PPFIBP1: variants seen among roughly 807,000 people sequenced by gnomAD.
PPFIBP1 encodes liprin-beta-1.
PPFIBP1 carries 112 observed loss-of-function variants against 137.8 expected under a neutral mutation model. The observed-to-expected ratio is 0.81, with a 90% CI of 0.70 to 0.95. PPFIBP1 has a LOEUF of 0.95. Among genes scored for constraint, PPFIBP1 ranks in the 40% least tolerant of loss-of-function variants. PPFIBP1 has a pLI of 0.00. For synonymous variants in PPFIBP1, 378 were observed against 417.3 expected (o/e 0.91, Z 1.15); for missense variants, 1,083 against 1,196.6 (o/e 0.91, Z 1.40).
At chr12:27,681,753 T>G (rs990244981) in intron 22 of PPFIBP1, 57 bp downstream of exon 22, 28 of 1,587,618 alleles carry the variant, frequency 1.8e-5, no homozygotes, top group Non-Finnish European at 2.3e-5. Flanking sequence ...ACAGTATGAA[T>G]GTAGGGTTGT....
At chr12:27,577,143 C>A (rs1176238958) in intron 1 of PPFIBP1, among the ~76,000 whole-genome samples, 1 of 151,930 alleles carries the variant, frequency 6.6e-6, no homozygotes, top group Non-Finnish European at 1.5e-5. Context: ...TCCACACCCC[C>A]ATTCATTCCT....
chr12:27,680,097 A>G (rs887090864), intron 21 of PPFIBP1, 36 bp downstream of exon 21: 2 of 1,610,178 alleles, frequency 1.2e-6, no homozygotes, highest in African/African-American at 1.3e-5. Flanking sequence ...TTGCATCTCT[A>G]CCAAGCATCA....
chr12:27,588,474 G>A, intron 2 of PPFIBP1, among the ~76,000 whole-genome samples: 1 of 152,162 alleles, frequency 6.6e-6, no homozygotes, highest in East Asian at 1.9e-4. Context: ...TGGCCCAAAA[G>A]ACGCATGACA....
At chr12:27,592,342 A>G (rs1439415415) in intron 2 of PPFIBP1, 1 of 560,550 alleles carries the variant, frequency 1.8e-6, no homozygotes. Context: ...AGAGGAAGAC[A>G]TGGGTAACAA....
At position 27,580,864 on chromosome 12, in the gene PPFIBP1, G is replaced by A. The variant is rs574723772; in HGVS notation, c.-36+2625G>A. ...GGAGCTGAGATTTGTGGGAAACTAG[G>A]GTCATTTTGCACAAAGGAAATTTGT... On this transcript the variant is annotated intron_variant, in intron 2 of 29. Coordinates refer to ENST00000228425, the MANE Select transcript of PPFIBP1 (RefSeq NM_003622.4). 2.0e-5 allele frequency among the ~76,000 whole-genome samples: 3 copies of A among 151,950 alleles called. 1 individual carries two copies. Among genetic ancestry groups the A allele is most frequent in the African/African-American group, 7.2e-5 (3 of 41,440 alleles).
intron 2 of PPFIBP1, among the ~76,000 whole-genome samples, chr12:27,607,052 C>T (rs1415006857): frequency 2.0e-5 from 3 of 152,198 alleles, no homozygotes; most frequent in African/African-American, 7.2e-5. Flanking sequence ...AGCATGCATT[C>T]CATGTGATTC....
intron 1 of PPFIBP1, among the ~76,000 whole-genome samples, chr12:27,545,303 C>T (rs1946115038): frequency 6.6e-6 from 1 of 152,074 alleles, no homozygotes; most frequent in African/African-American, 2.4e-5. Flanking sequence ...TTGATGGGTG[C>T]AGCAAATCAC....
At chr12:27,675,927 C>T (rs753819844) in intron 17 of PPFIBP1, among the ~76,000 whole-genome samples, 1 of 152,134 alleles carries the variant, frequency 6.6e-6, no homozygotes, top group South Asian at 2.1e-4. Context: ...AATAGAATCT[C>T]CTTATACTGC....
intron 1 of PPFIBP1, among the ~76,000 whole-genome samples, chr12:27,546,493 T>G (rs988959237): frequency 6.6e-6 from 1 of 152,182 alleles, no homozygotes; most frequent in African/African-American, 2.4e-5. Flanking sequence ...GGCCTGTGAC[T>G]CTAATTCCAT....
At chr12:27,576,592 A>G (rs112147543) in intron 1 of PPFIBP1, among the ~76,000 whole-genome samples, 2,993 of 152,254 alleles carry the variant, frequency 0.02, 40 homozygotes, top group South Asian at 0.034. Flanking sequence ...TCAGACCCGG[A>G]CTGACCTCTG....
intron 19 of PPFIBP1, among the ~76,000 whole-genome samples, chr12:27,678,789 G>A (rs945151261): frequency 7.5e-5 from 11 of 147,466 alleles, no homozygotes; most frequent in African/African-American, 2.5e-4. Flanking sequence ...CCCAGTAGGC[G>A]GAGGTTGCAG....
intron 24 of PPFIBP1, among the ~76,000 whole-genome samples, chr12:27,683,759 T>C (rs924152024): frequency 1.3e-5 from 2 of 150,262 alleles, no homozygotes; most frequent in Non-Finnish European, 2.9e-5. Context: ...AAATTCTCTT[T>C]ATTTATTTAT....
At chr12:27,572,061 A>G (rs1184257556) in intron 1 of PPFIBP1, among the ~76,000 whole-genome samples, 1 of 152,196 alleles carries the variant, frequency 6.6e-6, no homozygotes, top group Non-Finnish European at 1.5e-5. Flanking sequence ...TAATGAGAAC[A>G]TCTACTCTAA....
chr12:27,650,697 G>T (rs1296115329), intron 7 of PPFIBP1, among the ~76,000 whole-genome samples: 1 of 152,132 alleles, frequency 6.6e-6, no homozygotes, highest in Non-Finnish European at 1.5e-5. Flanking sequence ...AAAAATCAGG[G>T]TACATTCTGT....
chr12:27,640,961 A>G (rs1278762554), intron 4 of PPFIBP1, among the ~76,000 whole-genome samples: 1 of 152,208 alleles, frequency 6.6e-6, no homozygotes, highest in Non-Finnish European at 1.5e-5. Context: ...TACTTAAAGG[A>G]GATTTCATGG....
intron 2 of PPFIBP1, among the ~76,000 whole-genome samples, chr12:27,613,042 G>A (rs1197701963): frequency 1.3e-5 from 2 of 152,072 alleles, no homozygotes; most frequent in Non-Finnish European, 2.9e-5. Context: ...CTGAGCAGAG[G>A]AATGCCTGGT....
intron 19 of PPFIBP1, chr12:27,678,123 T>C (rs2060639219): frequency 6.6e-6 from 1 of 152,238 alleles, no homozygotes; most frequent in South Asian, 2.1e-4. Flanking sequence ...CTGCAACTCA[T>C]AGATCTTGCT....
chr12:27,551,321 C>T (rs903344461), intron 1 of PPFIBP1, among the ~76,000 whole-genome samples: 2 of 152,244 alleles, frequency 1.3e-5, no homozygotes, highest in East Asian at 1.9e-4. Flanking sequence ...ATCTCTCTAT[C>T]GCAGGCCACC....
intron 2 of PPFIBP1, among the ~76,000 whole-genome samples, chr12:27,596,602 G>A (rs2053341652): frequency 1.3e-5 from 2 of 152,074 alleles, no homozygotes; most frequent in African/African-American, 4.8e-5. Flanking sequence ...ACTCACTGCA[G>A]CCTCAAACTC....
Sources: allele counts gnomAD v4.1 joint callset (sites outside exome capture counted in the v4.1 genomes callset), GRCh38; gene constraint gnomAD v4.1.1; transcripts MANE v1.5; gene names NCBI Gene and HGNC (gene_info 2026-07-23, HGNC 2026-07-21).